Variants in ZNF248 observed in about 807,000 individuals in gnomAD.
The protein encoded by ZNF248 is KRAB protein domain.
A neutral mutation model predicts 44.3 loss-of-function variants in ZNF248; 20 were observed. The ratio of observed to expected loss-of-function variants is 0.45; its 90% CI spans 0.32 to 0.66. ZNF248 has a LOEUF of 0.66. Among genes scored for constraint, ZNF248 ranks in the 30% least tolerant of loss-of-function variants. ZNF248 has a pLI of 0.04. For synonymous variants in ZNF248, 224 were observed against 229.0 expected, an observed-to-expected ratio of 0.98 and a Z score of 0.20; for missense variants, 654 against 677.0, an observed-to-expected ratio of 0.97 and a Z score of 0.38.
chr10:37,772,811 G>C (rs930735849), downstream of ZNF248, among the ~76,000 whole-genome samples: 3 of 152,180 alleles, frequency 2.0e-5, no homozygotes, highest in Non-Finnish European at 4.4e-5. Context: ...ATTGAGGGAA[G>C]TAAACAGATG....
intron 1 of ZNF248, 21 bp downstream of exon 1, chr10:37,857,164 C>G (rs2061446916): frequency 6.5e-6 from 1 of 153,302 alleles, no homozygotes; most frequent in East Asian, 1.9e-4. Flanking sequence ...CCTGCGCGCC[C>G]ACCCCTCAGC....
chr10:37,846,461 G>A (rs2059332285), intron 3 of ZNF248, among the ~76,000 whole-genome samples: 1 of 152,016 alleles, frequency 6.6e-6, no homozygotes, highest in South Asian at 2.1e-4. Context: ...GGATCTGGTG[G>A]CAGGACCCTG....
chr10:37,819,222 CCT>C, intron 6 of ZNF248: 1 of 822,790 alleles, frequency 1.2e-6, no homozygotes, highest in African/African-American at 1.7e-5. Context: ...ATGGACCAGG[CCT>C]CTTTCTCTGA....
chr10:37,855,520 C>G (rs1296572511), intron 3 of ZNF248, among the ~76,000 whole-genome samples: 1 of 152,052 alleles, frequency 6.6e-6, no homozygotes, highest in Non-Finnish European at 1.5e-5. Context: ...CACGCATAAG[C>G]AATGCCTGGA....
chr10:37,768,926 A>G, the ZNF248 span, among the ~76,000 whole-genome samples: 1 of 152,230 alleles, frequency 6.6e-6, no homozygotes, highest in Non-Finnish European at 1.5e-5. Flanking sequence ...GCAATAAAAA[A>G]TGATAAAGGG....
At position 37,837,958 on chromosome 10, in the gene ZNF248, A is replaced by T. The variant is rs186258770; in HGVS notation, c.142+27T>A. The T allele has an allele frequency of 5.6e-6, 9 of 1,608,876 alleles. No individual in the cohort carries two copies. In the East Asian group the frequency reaches 2.0e-4, roughly 36 times the overall value. ...CAACTAGTAAATGCATGCTATTGAT[A>T]GCCATGTGCGGAAAAAAACTCCTTA... On this transcript the variant is annotated intron_variant, in intron 4 of 5. Coordinates refer to ENST00000395867, the MANE Select transcript of ZNF248 (RefSeq NM_021045.3).
At chr10:37,791,523 G>C (rs2048551357) in intron 6 of ZNF248, 1 of 152,050 alleles carries the variant, frequency 6.6e-6, no homozygotes, top group African/African-American at 2.4e-5. Context: ...AATTGAAGAG[G>C]TGGAGATTAG....
At chr10:37,809,886 G>A (rs572172057) in intron 6 of ZNF248, among the ~76,000 whole-genome samples, 1 of 152,022 alleles carries the variant, frequency 6.6e-6, no homozygotes, top group African/African-American at 2.4e-5. Flanking sequence ...TACTGTTGTG[G>A]TCGTAGAATA....
the ZNF248 span, among the ~76,000 whole-genome samples, chr10:37,770,990 A>T: frequency 1.3e-5 from 2 of 152,226 alleles, no homozygotes; most frequent in African/African-American, 4.8e-5. Flanking sequence ...TCAAAAGAAG[A>T]CATTTATGCA....
chr10:37,790,947 G>C (rs1589114602), intron 6 of ZNF248, among the ~76,000 whole-genome samples: 1 of 143,322 alleles, frequency 7.0e-6, no homozygotes, highest in African/African-American at 2.5e-5. Context: ...AAGTGTACTA[G>C]AAGTGTAGTT....
rs1725281096 is a variant in ZNF248 at position 37,832,162 on chromosome 10, T to C, written c.1193A>G (p.His398Arg). 3.1e-6 allele frequency: 5 copies of C among 1,613,978 alleles called. No homozygotes were observed. The African/African-American group carries it at 6.7e-5, about 22-fold the overall frequency. The stretch of plus-strand genomic sequence containing the variant: ...CTTCTCTCCTGTGTGTGTTCTCTGA[T>C]GTTGAGTGAGGTTTGACTTCTCCCA... ...TFWEKSNLTQHQRTHTGEKPY... is the reference protein window; with the variant it reads ...TFWEKSNLTQRQRTHTGEKPY... The change falls in exon 6 of 6, where the codon CAT becomes CGT. Residue 398 changes from histidine to arginine, a missense_variant. Transcript: ENST00000395867.
chr10:37,819,712 A>G, intron 6 of ZNF248: 2 of 783,274 alleles, frequency 2.6e-6, no homozygotes, highest in Non-Finnish European at 4.7e-6. Flanking sequence ...CTTCTTGTTC[A>G]TGGTATTCTG....
chr10:37,800,271 C>T (rs932582382), intron 6 of ZNF248, among the ~76,000 whole-genome samples: 3 of 152,134 alleles, frequency 2.0e-5, no homozygotes, highest in Non-Finnish European at 4.4e-5. Flanking sequence ...CTCCTCTTAT[C>T]CTCTACCCTC....
rs1340592687 is a variant in ZNF248 at position 37,832,689 on chromosome 10, GCCTTGT to G, written c.660_665del (p.Gln221_Gly222del). Reference sequence around the variant, plus strand: ...TAAAAAATGCTGCCTCATCATGGAAGCCTTGTCCATTTTTACTATACTCAAAAGATT... The same window carrying G: ...TAAAAAATGCTGCCTCATCATGGAAGCCATTTTTACTATACTCAAAAGATT... On this transcript the variant is annotated inframe_deletion, in exon 6 of 6. Transcript: ENST00000395867. 1.2e-6 allele frequency: 2 copies of G among 1,613,276 alleles called. No individual in the cohort carries two copies. The highest frequency in any genetic ancestry group is 1.7e-6 in the Non-Finnish European group (2 of 1,179,866).
At chr10:37,855,406 C>T (rs986188387) in intron 3 of ZNF248, among the ~76,000 whole-genome samples, 12 of 151,754 alleles carry the variant, frequency 7.9e-5, no homozygotes, top group African/African-American at 2.9e-4. Flanking sequence ...TGTATTATTA[C>T]ATTAATGTAT....
intron 3 of ZNF248, among the ~76,000 whole-genome samples, chr10:37,851,768 CA>C (rs57501241): frequency 0.035 from 1,130 of 32,008 alleles, 2 homozygotes; most frequent in African/African-American, 0.084. Context: ...TCAGAATGAC[CA>C]AAAAAAAAAA....
intron 6 of ZNF248, among the ~76,000 whole-genome samples, chr10:37,810,525 G>C (rs1478582260): frequency 6.6e-6 from 1 of 152,056 alleles, no homozygotes; most frequent in Non-Finnish European, 1.5e-5. Flanking sequence ...GCATGGGTCT[G>C]TTATATATGG....
intron 6 of ZNF248, among the ~76,000 whole-genome samples, chr10:37,812,016 G>A (rs530208793): frequency 5.0e-4 from 76 of 151,918 alleles, no homozygotes; most frequent in Non-Finnish European, 9.0e-4. Context: ...CAGGCAGATT[G>A]CTTGAGCCCA....
intron 3 of ZNF248, among the ~76,000 whole-genome samples, chr10:37,841,193 A>C (rs2058279735): frequency 6.6e-6 from 1 of 152,174 alleles, no homozygotes; most frequent in Non-Finnish European, 1.5e-5. Flanking sequence ...TTTTTACCTG[A>C]ATGTGTCTAA....
Sources: gnomAD v4.1 joint callset for allele counts (sites outside exome capture counted in the v4.1 genomes callset) on GRCh38, gnomAD v4.1.1 for gene constraint, MANE v1.5 for transcripts, NCBI Gene and HGNC (gene_info 2026-07-23, HGNC 2026-07-21) for gene names.